Variants in VWF observed in about 807,000 individuals in gnomAD.
The protein encoded by VWF is Factor VIII related antigen.
VWF carries 176 observed loss-of-function variants against 308.6 expected under a neutral mutation model. The observed-to-expected ratio is 0.57, with a 90% confidence interval of 0.50 to 0.65. VWF has a LOEUF of 0.65. Among genes scored for constraint, VWF ranks in the 30% least tolerant of loss-of-function variants. The probability of loss-of-function intolerance (pLI) is 0.00; values close to 1 mark genes in which losing one functional copy is unlikely to be tolerated. For missense variants in VWF, 3,146 were observed against 3,648.2 expected (o/e 0.86, Z 3.55); for synonymous variants, 1,385 against 1,443.4 (o/e 0.96, Z 0.92).
At chr12:5,963,888 T>C (rs1207302945) in intron 47 of VWF, among the ~76,000 whole-genome samples, 1 of 151,978 alleles carries the variant, frequency 6.6e-6, no homozygotes, top group Non-Finnish European at 1.5e-5. Context: ...AAAGTAAGAG[T>C]GTTTTAAACA....
chr12:6,048,726 G>A (rs1305594732), intron 16 of VWF, among the ~76,000 whole-genome samples: 1 of 152,144 alleles, frequency 6.6e-6, no homozygotes, highest in African/African-American at 2.4e-5. Flanking sequence ...GCCTCCCAAA[G>A]TGCTGGGATT....
rs759428916 is a variant in VWF at position 6,092,616 on chromosome 12, A to AGAGTGTGTGT, written c.657+2834_657+2843dup. 2.1e-5 allele frequency among the ~76,000 whole-genome samples: 2 copies of AGAGTGTGTGT among 96,622 alleles called. 1 individual carries two copies. The highest frequency in any genetic ancestry group is 4.1e-5 in the Non-Finnish European group (2 of 48,286). The allele number at this position is 96,622 out of a possible 152,430, so 63.4% of individuals were successfully genotyped here. A position where few individuals can be genotyped will look rare whatever the true frequency, so the allele number is the denominator to read the frequency against. On this transcript the variant is annotated intron_variant, in intron 6 of 51. Transcript: ENST00000261405. ...TGCCCAGCTAGTTAGTGAGTGAGTGAGAGTGTGTGTGTGTGTGTGTGTGTG... is the reference window on the plus strand; with the variant it reads ...TGCCCAGCTAGTTAGTGAGTGAGTGAGAGTGTGTGTGAGTGTGTGTGTGTGTGTGTGTGTG...
intron 18 of VWF, among the ~76,000 whole-genome samples, chr12:6,040,534 A>C (rs957109487): frequency 3.7e-4 from 57 of 152,200 alleles, no homozygotes; most frequent in Non-Finnish European, 7.3e-5. Flanking sequence ...AACAGCCTGC[A>C]AGCCAGTTTT....
intron 47 of VWF, among the ~76,000 whole-genome samples, chr12:5,960,047 TTAA>T (rs1402988123): frequency 3.4e-5 from 5 of 147,882 alleles, no homozygotes; most frequent in African/African-American, 1.2e-4. Context: ...CTTTGAAAGA[TTAA>T]TAATATAATA....
chr12:5,959,146 G>A (rs1943282721), intron 47 of VWF, among the ~76,000 whole-genome samples: 1 of 152,158 alleles, frequency 6.6e-6, no homozygotes, highest in Non-Finnish European at 1.5e-5. Context: ...GGCCAAGGCT[G>A]TAGTGAGCCA....
intron 24 of VWF, among the ~76,000 whole-genome samples, chr12:6,025,343 G>A (rs142033986): frequency 0.033 from 4,963 of 152,292 alleles, 242 homozygotes; most frequent in African/African-American, 0.11. Flanking sequence ...CATGCCAAGG[G>A]GAGTTACTTC....
At chr12:5,971,928 G>T (rs1258577649) in intron 43 of VWF, among the ~76,000 whole-genome samples, 1 of 152,152 alleles carries the variant, frequency 6.6e-6, no homozygotes, top group Non-Finnish European at 1.5e-5. Context: ...ATATAATTCT[G>T]CCCCCTGAAA....
chr12:6,029,504 G>T lies in VWF; in HGVS notation c.2821-16C>A, dbSNP rs745692403. On this transcript the variant is annotated splice_polypyrimidine_tract_variant and intron_variant, in intron 21 of 51. Transcript: ENST00000261405. Reference sequence around the variant, plus strand: ...TCACATTCACCTGGAGGAAGACAAAGCAAGAAATCCAGGAGGATGAAGGGC... The same window carrying T: ...TCACATTCACCTGGAGGAAGACAAATCAAGAAATCCAGGAGGATGAAGGGC... 2.7e-5 allele frequency: 44 copies of T among 1,613,826 alleles called. 1 individual carries two copies. The East Asian group carries it at 9.4e-4, about 34-fold the overall frequency.
intron 19 of VWF, 80 bp downstream of exon 19, chr12:6,036,308 C>T (rs916746639): frequency 1.0e-5 from 13 of 1,291,272 alleles, no homozygotes; most frequent in African/African-American, 5.9e-5. Flanking sequence ...GAGGCAAGTG[C>T]GGAAGGTCCT....
At chr12:6,029,681 A>T (rs1565836005) in intron 21 of VWF, among the ~76,000 whole-genome samples, 193 bp from the exon 22 acceptor site, 1 of 152,114 alleles carries the variant, frequency 6.6e-6, no homozygotes, top group East Asian at 1.9e-4. Context: ...TGACCATCTC[A>T]CCACCACCAC....
intron 46 of VWF, 101 bp downstream of exon 46, chr12:5,968,026 T>A: frequency 6.5e-7 from 1 of 1,532,410 alleles, no homozygotes. Context: ...TCTCTCTGGT[T>A]TCCTTCATTT....
At chr12:6,076,223 C>T (rs999122281) in intron 6 of VWF, among the ~76,000 whole-genome samples, 1 of 152,216 alleles carries the variant, frequency 6.6e-6, no homozygotes, top group Non-Finnish European at 1.5e-5. Flanking sequence ...ATGCCCTCAA[C>T]CTGATAACAC....
intron 5 of VWF, 84 bp from the exon 6 acceptor site, chr12:6,095,668 G>T: frequency 6.3e-7 from 1 of 1,590,204 alleles, no homozygotes; most frequent in South Asian, 1.1e-5. Context: ...TCTGCTGGTG[G>T]TTTTGTGTGT....
chr12:6,017,282 T>C (rs1328823767), intron 28 of VWF, among the ~76,000 whole-genome samples: 1 of 152,208 alleles, frequency 6.6e-6, no homozygotes, highest in African/African-American at 2.4e-5. Flanking sequence ...TGCTGTGTCC[T>C]CAGATCTTGC....
rs144057926 is a variant in VWF, at chr12:6,002,102, C to G, written c.5843-5880G>C. Among the ~76,000 whole-genome samples, 104 of 151,954 alleles carry G rather than the reference C, an allele frequency of 6.8e-4. 1 individual carries two copies. The East Asian group carries it at 0.02, about 29-fold the overall frequency. On this transcript the variant is annotated intron_variant, in intron 34 of 51. Transcript: ENST00000261405. ...AAAGTGATCCTAGGAAAATTCATAA[C>G]AGTAAACATTTCTGTCAATAAAAAT...
chr12:5,971,920 A>G (rs1000453830), intron 43 of VWF, among the ~76,000 whole-genome samples: 4 of 152,236 alleles, frequency 2.6e-5, no homozygotes, highest in Admixed American at 2.0e-4. Flanking sequence ...CTGCAGAGAT[A>G]TAATTCTGCC....
In VWF at chr12:6,072,414, G is replaced by GC. The variant is rs771376802; in HGVS notation, c.1025dup (p.Cys342TrpfsTer41). ...CGCAGGGACACTCGGTGCTCTCCAC[G>GC]CAGAGGCCTTCATCCAGGAGCTGTC... On this transcript the variant is annotated frameshift_variant, in exon 9 of 52. Transcript: ENST00000261405. LOFTEE classifies it high-confidence loss of function. 1 of 1,613,946 alleles carries GC rather than the reference G, an allele frequency of 6.2e-7. No homozygotes were observed. Among genetic ancestry groups the GC allele is most frequent in the African/African-American group, 1.3e-5 (1 of 74,876 alleles).
chr12:6,016,734 C>T lies in VWF; in HGVS notation c.5170+20G>A. 2 of 1,614,244 alleles carry T rather than the reference C, an allele frequency of 1.2e-6. No individual in the cohort carries two copies. The highest frequency in any genetic ancestry group is 1.7e-6 in the Non-Finnish European group (2 of 1,180,046). On this transcript the variant is annotated intron_variant, in intron 29 of 51. Coordinates refer to ENST00000261405, the MANE Select transcript of VWF (RefSeq NM_000552.5). ...AGAGCCTCTTCGTCACCTGCTGCTT[C>T]AGGTGCCTCGCTCACCCACCTATAT... is the stretch of plus-strand genomic sequence containing the variant.
At chr12:5,958,344 A>C (rs1943272715) in intron 47 of VWF, among the ~76,000 whole-genome samples, 1 of 152,206 alleles carries the variant, frequency 6.6e-6, no homozygotes, top group Non-Finnish European at 1.5e-5. Context: ...TTGAGAAGAA[A>C]GATGTAATAG....
Sources: allele counts gnomAD v4.1 joint callset (sites outside exome capture counted in the v4.1 genomes callset), GRCh38; gene constraint gnomAD v4.1.1; transcripts MANE v1.5; gene names NCBI Gene and HGNC (gene_info 2026-07-23, HGNC 2026-07-21).